The following SORCS2 variants were observed in gnomAD, a reference collection of about 807,000 sequenced individuals.
SORCS2 encodes the protein VPS10 domain-containing receptor SorCS2.
A neutral mutation model predicts 141.6 loss-of-function variants in SORCS2; 100 were observed. That is an observed-to-expected ratio of 0.71 (90% CI 0.60 to 0.83). The LOEUF is 0.83. SORCS2 is among the 40% of genes least tolerant of loss of function. The probability of loss-of-function intolerance (pLI) is 0.00; values close to 1 mark genes in which losing one functional copy is unlikely to be tolerated. For missense variants in SORCS2, 1,646 were observed against 1,560.2 expected, an observed-to-expected ratio of 1.05 and a Z score of -0.93; for synonymous variants, 789 against 676.9, an observed-to-expected ratio of 1.17 and a Z score of -2.57.
At chr4:7,236,137 A>G (rs1179553659) in intron 1 of SORCS2, among the ~76,000 whole-genome samples, 2 of 152,232 alleles carry the variant, frequency 1.3e-5, no homozygotes, top group African/African-American at 4.8e-5. Flanking sequence ...CTATACCTGC[A>G]CAGAAATGCA....
intron 1 of SORCS2, among the ~76,000 whole-genome samples, chr4:7,211,286 G>C (rs533137411): frequency 6.6e-6 from 1 of 152,282 alleles, no homozygotes; most frequent in East Asian, 1.9e-4. Context: ...CAGAGTTCAG[G>C]GATGGCAAGA....
intron 3 of SORCS2, among the ~76,000 whole-genome samples, chr4:7,604,269 T>C (rs892343328): frequency 1.3e-5 from 2 of 152,244 alleles, no homozygotes; most frequent in African/African-American, 4.8e-5. Context: ...TCCCCCATGC[T>C]GTTCTCGTGG....
chr4:7,316,883 G>C (rs1308834450), intron 1 of SORCS2, among the ~76,000 whole-genome samples: 1 of 152,186 alleles, frequency 6.6e-6, no homozygotes, highest in Non-Finnish European at 1.5e-5. Context: ...CCACTCTCAA[G>C]CTCCTGAGTT....
chr4:7,261,131 G>A (rs1714291302), intron 1 of SORCS2, among the ~76,000 whole-genome samples: 1 of 152,198 alleles, frequency 6.6e-6, no homozygotes, highest in Non-Finnish European at 1.5e-5. Flanking sequence ...GAACCAGCCT[G>A]GGAATTCTCT....
In SORCS2 at chr4:7,292,161, G is replaced by A. The variant is rs1222381461; in HGVS notation, c.480+99035G>A. Among the ~76,000 whole-genome samples the A allele has an allele frequency of 5.3e-5, 8 of 151,594 alleles. No individual in the cohort carries two copies. In the South Asian group the frequency reaches 8.3e-4, roughly 16 times the overall value. On this transcript the variant is annotated intron_variant, in intron 1 of 26. Transcript: ENST00000507866. ...AAGCTGGGTTGCCGCTTCACAGTCCGTTCACCAAGGAGGCTCCCCCCACCA... is the reference window on the plus strand; with the variant it reads ...AAGCTGGGTTGCCGCTTCACAGTCCATTCACCAAGGAGGCTCCCCCCACCA...
intron 1 of SORCS2, among the ~76,000 whole-genome samples, chr4:7,337,422 G>C (rs773535997): frequency 6.6e-6 from 1 of 152,162 alleles, no homozygotes; most frequent in Admixed American, 6.5e-5. Flanking sequence ...AGGCCTTCCT[G>C]AGCAGGCGAC....
At chr4:7,672,594 A>G (rs1438389846) in intron 8 of SORCS2, among the ~76,000 whole-genome samples, 1 of 152,220 alleles carries the variant, frequency 6.6e-6, no homozygotes, top group Non-Finnish European at 1.5e-5. Context: ...AATACTATGT[A>G]TATGTGTAGA....
At chr4:7,583,484 C>T (rs1164803870) in intron 3 of SORCS2, among the ~76,000 whole-genome samples, 2 of 152,170 alleles carry the variant, frequency 1.3e-5, no homozygotes, top group African/African-American at 2.4e-5. Flanking sequence ...TGTGTCCCCA[C>T]CCAAATCTCA....
chr4:7,344,500 G>C (rs3864200), intron 1 of SORCS2, among the ~76,000 whole-genome samples: 64,068 of 152,088 alleles, frequency 0.42, 13,712 homozygotes, highest in African/African-American at 0.47. Flanking sequence ...TGGGTCCACA[G>C]AACAGCCCTA....
At position 7,609,397 on chromosome 4, in the gene SORCS2, G is replaced by A. The variant is rs535378017; in HGVS notation, c.649-28931G>A. 3.3e-5 allele frequency among the ~76,000 whole-genome samples: 5 copies of A among 152,254 alleles called. No individual in the cohort carries two copies. In the South Asian group the frequency reaches 1.0e-3, roughly 32 times the overall value. Reference sequence around the variant, plus strand: ...AGGCACTGCCCTGTGGATCAATGTGGCAGTCAAGGCGCCTCTATACAGCCC... The same window carrying A: ...AGGCACTGCCCTGTGGATCAATGTGACAGTCAAGGCGCCTCTATACAGCCC... On this transcript the variant is annotated intron_variant, in intron 3 of 26. Transcript: ENST00000507866.
In SORCS2 at chr4:7,740,610, C is replaced by T. The variant is rs1000126634; in HGVS notation, c.*346C>T. ...TGAGGCTGGTCGTCCTGGAGCCCTC[C>T]CAGTACCTCGGGCTGCAAGAGCTGC... On this transcript the variant is annotated 3_prime_UTR_variant, in exon 27 of 27. Coordinates refer to ENST00000507866, the MANE Select transcript of SORCS2 (RefSeq NM_020777.3). 2.7e-6 allele frequency: 1 copy of T among 368,174 alleles called. No homozygotes were observed. 22.8% of individuals were successfully genotyped at this position (368,174 alleles called of 1,614,324 possible). A position where few individuals can be genotyped will look rare whatever the true frequency, so the allele number is the denominator to read the frequency against.
At chr4:7,323,307 C>G (rs1348082147) in intron 1 of SORCS2, among the ~76,000 whole-genome samples, 2 of 152,206 alleles carry the variant, frequency 1.3e-5, no homozygotes, top group African/African-American at 4.8e-5. Context: ...TACAGTAGTC[C>G]TGCGACCCAG....
intron 9 of SORCS2, among the ~76,000 whole-genome samples, chr4:7,679,114 C>T (rs531791980): frequency 7.6e-6 from 1 of 130,888 alleles, no homozygotes; most frequent in East Asian, 2.2e-4. Context: ...GTTGTGCACC[C>T]AGCAGCACAT....
At chr4:7,455,074 C>G (rs1316330270) in intron 2 of SORCS2, among the ~76,000 whole-genome samples, 49 of 32,244 alleles carry the variant, frequency 1.5e-3, no homozygotes, top group East Asian at 3.0e-3. Flanking sequence ...TTGGGGTCAG[C>G]TGCTGTGTTG....
chr4:7,545,641 C>T (rs1713198793), intron 3 of SORCS2, among the ~76,000 whole-genome samples: 2 of 152,220 alleles, frequency 1.3e-5, no homozygotes, highest in African/African-American at 4.8e-5. Context: ...GGACCCACGA[C>T]TCTCTGAGAC....
At chr4:7,598,343 C>T (rs1717424403) in intron 3 of SORCS2, among the ~76,000 whole-genome samples, 1 of 152,168 alleles carries the variant, frequency 6.6e-6, no homozygotes, top group Non-Finnish European at 1.5e-5. Context: ...GATGATGCCC[C>T]AGAGAGGTTC....
chr4:7,663,270 G>C lies in SORCS2; in HGVS notation c.953-1083G>C, dbSNP rs1435042829. Among the ~76,000 whole-genome samples, 1 of 151,974 alleles carries C rather than the reference G, an allele frequency of 6.6e-6. No homozygotes were observed. Among genetic ancestry groups the C allele is most frequent in the Non-Finnish European group, 1.5e-5 (1 of 67,968 alleles). On this transcript the variant is annotated intron_variant, in intron 6 of 26. Coordinates refer to ENST00000507866, the MANE Select transcript of SORCS2 (RefSeq NM_020777.3). The surrounding 1 kb of genome is among the most constrained non-coding windows in gnomAD (Gnocchi z 4.8). Reference sequence around the variant, plus strand: ...GAGTGAAGAGTGAATAAGTGAGTGAGTGAATGAATAAGTGAGTGAGTGAAT... The same window carrying C: ...GAGTGAAGAGTGAATAAGTGAGTGACTGAATGAATAAGTGAGTGAGTGAAT...
intron 3 of SORCS2, among the ~76,000 whole-genome samples, chr4:7,622,048 G>T (rs945786711): frequency 1.3e-5 from 2 of 152,106 alleles, no homozygotes; most frequent in South Asian, 4.1e-4. Flanking sequence ...GTAAGGCCTG[G>T]AAATACCCAC....
intron 2 of SORCS2, among the ~76,000 whole-genome samples, chr4:7,456,964 T>C (rs886427344): frequency 4.0e-5 from 6 of 151,860 alleles, no homozygotes; most frequent in African/African-American, 1.5e-4. Context: ...TCCAGGGTTG[T>C]GGTGAGGGGT....
Sources: gnomAD v4.1 joint callset for allele counts (sites outside exome capture counted in the v4.1 genomes callset) on GRCh38, gnomAD v4.1.1 for gene constraint, Gnocchi (gnomAD v3.1) non-coding constraint, MANE v1.5 for transcripts, NCBI Gene and HGNC (gene_info 2026-07-23, HGNC 2026-07-21) for gene names.